Variants in CAST observed in about 807,000 individuals in gnomAD.
CAST encodes the protein MIR583 host.
CAST carries 76 observed loss-of-function variants against 119.6 expected under a neutral mutation model. The observed-to-expected ratio is 0.64, with a 90% CI of 0.53 to 0.77. The LOEUF is 0.77. Among genes scored for constraint, CAST ranks in the 30% least tolerant of loss-of-function variants. The pLI is 0.00. For synonymous variants in CAST, 319 were observed against 331.6 expected, an observed-to-expected ratio of 0.96 and a Z score of 0.41; for missense variants, 953 against 946.5, an observed-to-expected ratio of 1.01 and a Z score of -0.09.
At chr5:96,749,104 A>G (rs1253426170) in intron 19 of CAST, among the ~76,000 whole-genome samples, 1 of 152,340 alleles carries the variant, frequency 6.6e-6, no homozygotes, top group Admixed American at 6.5e-5. Context: ...AAACAGAACA[A>G]TAAGTATGTG....
At chr5:96,612,497 T>C (rs1000940405) in intron 1 of CAST, among the ~76,000 whole-genome samples, 4 of 152,106 alleles carry the variant, frequency 2.6e-5, no homozygotes, top group Non-Finnish European at 4.4e-5. Flanking sequence ...TCTCTGGGTG[T>C]TGGGTTCAAT....
chr5:96,150,340 T>G, the CAST span, among the ~76,000 whole-genome samples: 1 of 152,170 alleles, frequency 6.6e-6, no homozygotes, highest in Non-Finnish European at 1.5e-5. Context: ...GGAGAAGGCT[T>G]AGCGTTCTTG....
chr5:96,272,855 A>G, the CAST span, among the ~76,000 whole-genome samples: 1 of 152,204 alleles, frequency 6.6e-6, no homozygotes, highest in Non-Finnish European at 1.5e-5. Flanking sequence ...TATTTCATGT[A>G]GCCTCAAAAT....
At chr5:96,366,253 G>C in the CAST span, among the ~76,000 whole-genome samples, 32 of 152,168 alleles carry the variant, frequency 2.1e-4, no homozygotes, top group East Asian at 1.4e-3. Context: ...CTCTGGCTGC[G>C]CTTAACATTT....
the CAST span, among the ~76,000 whole-genome samples, chr5:96,072,556 A>G: frequency 6.6e-6 from 1 of 152,204 alleles, no homozygotes; most frequent in Non-Finnish European, 1.5e-5. Flanking sequence ...TGTTTTACAT[A>G]TTGAGTTTCA....
At chr5:96,603,648 A>G (rs909219574) in intron 1 of CAST, among the ~76,000 whole-genome samples, 1 of 152,166 alleles carries the variant, frequency 6.6e-6, no homozygotes, top group African/African-American at 2.4e-5. Flanking sequence ...TAATAACTAG[A>G]AAGAGTACAC....
intron 1 of CAST, among the ~76,000 whole-genome samples, chr5:96,623,804 C>T (rs1054462400): frequency 6.6e-6 from 1 of 152,120 alleles, no homozygotes; most frequent in Non-Finnish European, 1.5e-5. Context: ...TCAAGTGATC[C>T]TCCTGCCTCA....
chr5:96,594,511 A>G (rs1747019892), intron 1 of CAST, among the ~76,000 whole-genome samples: 1 of 152,236 alleles, frequency 6.6e-6, no homozygotes, highest in South Asian at 2.1e-4. Context: ...CCAGCGTTGT[A>G]GAATATAAAG....
the CAST span, among the ~76,000 whole-genome samples, chr5:96,464,181 A>AG: frequency 6.6e-6 from 1 of 152,124 alleles, no homozygotes; most frequent in African/African-American, 2.4e-5. Flanking sequence ...ACTGACATTG[A>AG]GAAAAAAAAA....
the CAST span, among the ~76,000 whole-genome samples, chr5:96,142,477 T>G: frequency 6.6e-6 from 1 of 152,188 alleles, no homozygotes; most frequent in African/African-American, 2.4e-5. Context: ...ATTCTGTATT[T>G]TACAGGCACA....
At chr5:96,519,731 C>T in the CAST span, among the ~76,000 whole-genome samples, 1,105 of 152,114 alleles carry the variant, frequency 7.3e-3, 13 homozygotes, top group African/African-American at 0.025. Flanking sequence ...CTCAGCCTCC[C>T]GAGTAGTTGG....
At chr5:95,991,497 G>GTTTTTTTTTTTT in the CAST span, among the ~76,000 whole-genome samples, 1 of 64,958 alleles carries the variant, frequency 1.5e-5, no homozygotes, top group Non-Finnish European at 2.8e-5. Flanking sequence ...AACAAGTTTT[G>GTTTTTTTTTTTT]TTTTTTTTTT....
chr5:96,265,403 A>C, the CAST span, among the ~76,000 whole-genome samples: 40 of 152,244 alleles, frequency 2.6e-4, no homozygotes, highest in Non-Finnish European at 5.4e-4. Context: ...CCAGTGATGT[A>C]AGTCATTCCA....
chr5:96,340,257 C>A, the CAST span, among the ~76,000 whole-genome samples: 1 of 152,204 alleles, frequency 6.6e-6, no homozygotes, highest in Non-Finnish European at 1.5e-5. Context: ...CCACCTTTAT[C>A]TCTAGAAGCC....
chr5:96,751,711 C>G (rs1417099083), intron 20 of CAST, among the ~76,000 whole-genome samples: 1 of 152,140 alleles, frequency 6.6e-6, no homozygotes, highest in Non-Finnish European at 1.5e-5. Flanking sequence ...ACAACAATAG[C>G]CAGCATTCCC....
the CAST span, among the ~76,000 whole-genome samples, chr5:96,007,222 A>G: frequency 1.3e-5 from 2 of 152,124 alleles, no homozygotes; most frequent in Non-Finnish European, 2.9e-5. Context: ...TGTTGACTTT[A>G]CTAGTAGTTC....
chr5:96,329,300 C>T, the CAST span, among the ~76,000 whole-genome samples: 2 of 152,220 alleles, frequency 1.3e-5, no homozygotes, highest in African/African-American at 4.8e-5. Flanking sequence ...TTTAAAATGT[C>T]AGCATATTAC....
At chr5:96,206,312 G>A in the CAST span, among the ~76,000 whole-genome samples, 14 of 151,664 alleles carry the variant, frequency 9.2e-5, 1 homozygote, top group Admixed American at 9.2e-4. Flanking sequence ...GTTTAATTAG[G>A]TCCCGCTTGT....
At chr5:96,076,643 A>G in the CAST span, among the ~76,000 whole-genome samples, 2 of 152,208 alleles carry the variant, frequency 1.3e-5, no homozygotes, top group Non-Finnish European at 2.9e-5. Flanking sequence ...CAGTCTCTGT[A>G]GTTGAAAGCA....
Sources: gnomAD v4.1 joint callset for allele counts (sites outside exome capture counted in the v4.1 genomes callset) on GRCh38, gnomAD v4.1.1 for gene constraint, MANE v1.5 for transcripts, NCBI Gene and HGNC (gene_info 2026-07-23, HGNC 2026-07-21) for gene names.